Variants in MGST1 observed in about 807,000 individuals in gnomAD.
MGST1 encodes the protein glutathione S-transferase 12.
Under a neutral mutation model 8.9 loss-of-function variants are expected in MGST1, and 5 were observed. That is an observed-to-expected ratio of 0.56 (90% CI 0.29 to 1.19). MGST1 has a LOEUF of 1.19. Among genes scored for constraint, MGST1 ranks in the 50% most tolerant of loss-of-function variants. The pLI is 0.08. For synonymous variants in MGST1, 54 were observed against 67.8 expected (o/e 0.80, Z 1.00); for missense variants, 182 against 187.4 (o/e 0.97, Z 0.17).
chr12:16,524,049 C>T lies in MGST1; in HGVS notation n.483-65479C>T, dbSNP rs552694713. On this transcript the variant is annotated intron_variant and non_coding_transcript_variant, in intron 4 of 4. Coordinates refer to the MGST1 transcript ENST00000538857. ...AATCTGTATACATTTGCTTTGTAAA[C>T]ATTTCAATTCTTTCCTCAGTTCAGA... 3.9e-5 allele frequency among the ~76,000 whole-genome samples: 6 copies of T among 152,174 alleles called. No individual in the cohort carries two copies. The South Asian group carries it at 1.2e-3, about 32-fold the overall frequency.
chr12:16,543,804 T>C (rs1018592648), intron 4 of MGST1, among the ~76,000 whole-genome samples: 27 of 152,080 alleles, frequency 1.8e-4, no homozygotes, highest in Non-Finnish European at 2.9e-5. Context: ...AATGTAAGGG[T>C]GAATTGAGAC....
At chr12:16,535,617 G>A (rs1941752656) in intron 4 of MGST1, among the ~76,000 whole-genome samples, 1 of 152,162 alleles carries the variant, frequency 6.6e-6, no homozygotes, top group Non-Finnish European at 1.5e-5. Context: ...CAATGAATTA[G>A]TAAAGTTGCA....
chr12:16,422,361 T>C (rs779536415), intron 1 of MGST1, among the ~76,000 whole-genome samples: 2 of 152,172 alleles, frequency 1.3e-5, no homozygotes, highest in Non-Finnish European at 2.9e-5. Context: ...AAGTTCCCCT[T>C]ACTACTTTCA....
chr12:16,434,027 C>G (rs928424084), intron 1 of MGST1, among the ~76,000 whole-genome samples: 2 of 152,064 alleles, frequency 1.3e-5, no homozygotes, highest in African/African-American at 4.8e-5. Context: ...TCTATTGTGT[C>G]CATCTCTTTT....
chr12:16,417,897 A>T (rs1652575683), intron 1 of MGST1, among the ~76,000 whole-genome samples: 1 of 152,200 alleles, frequency 6.6e-6, no homozygotes, highest in Admixed American at 6.5e-5. Context: ...AAGTATTTAA[A>T]GTATCAAGGC....
In MGST1 at chr12:16,397,778, CT is replaced by C. The variant is rs55755629; in HGVS notation, n.778+14186del. On this transcript the variant is annotated intron_variant and non_coding_transcript_variant, in intron 1 of 1. Transcript: ENST00000359720. The stretch of plus-strand genomic sequence containing the variant: ...CCCTGAACTTCTTAATCAATAGTAT[CT>C]TTTTTTTTTTTGGTATTGCTGTATA... Among the ~76,000 whole-genome samples the C allele has an allele frequency of 2.5e-3, 356 of 143,196 alleles. 2 individuals are homozygous for C. Among genetic ancestry groups the C allele is most frequent in the African/African-American group, 4.9e-3 (192 of 39,476 alleles). 93.9% of individuals were successfully genotyped at this position (143,196 alleles called of 152,430 possible).
intron 4 of MGST1, among the ~76,000 whole-genome samples, chr12:16,451,699 T>C (rs1461658432): frequency 6.6e-6 from 1 of 151,920 alleles, no homozygotes; most frequent in Non-Finnish European, 1.5e-5. Flanking sequence ...AAAGGTTTTA[T>C]AAGTTCTTAT....
chr12:16,430,850 CT>C (rs1421750241), intron 1 of MGST1, among the ~76,000 whole-genome samples: 1 of 152,178 alleles, frequency 6.6e-6, no homozygotes, highest in Non-Finnish European at 1.5e-5. Context: ...TCCTTTGAAG[CT>C]TTCAAGCCAG....
chr12:16,501,590 G>A (rs1273772020), intron 4 of MGST1, among the ~76,000 whole-genome samples: 1 of 152,132 alleles, frequency 6.6e-6, no homozygotes, highest in African/African-American at 2.4e-5. Context: ...TGACTGCTAC[G>A]TACTCAATTA....
intron 2 of MGST1, 53 bp downstream of exon 2, chr12:16,354,431 G>C: frequency 6.5e-7 from 1 of 1,547,864 alleles, no homozygotes; most frequent in Middle Eastern, 2.1e-4. Flanking sequence ...GAATTCTGGA[G>C]AGCAGTTTTC....
intron 1 of MGST1, among the ~76,000 whole-genome samples, chr12:16,394,496 T>TTCTC (rs139586044): frequency 0.02 from 1,220 of 59,960 alleles, 91 homozygotes; most frequent in East Asian, 0.062. Context: ...CTTTCTTTCT[T>TTCTC]TCTCTCTCTT....
chr12:16,567,100 C>G (rs907995618), intron 4 of MGST1, among the ~76,000 whole-genome samples: 1 of 151,956 alleles, frequency 6.6e-6, no homozygotes, highest in Non-Finnish European at 1.5e-5. Flanking sequence ...GGAGGCTGAG[C>G]CAGGAGAATC....
rs1943410396 is a variant in MGST1, at chr12:16,589,017, G to A, written n.483-511G>A. Among the ~76,000 whole-genome samples, 3 of 152,008 alleles carry A rather than the reference G, an allele frequency of 2.0e-5. No homozygotes were observed. The highest frequency in any genetic ancestry group is 2.9e-5 in the Non-Finnish European group (2 of 67,978). On this transcript the variant is annotated intron_variant and non_coding_transcript_variant, in intron 4 of 4. Coordinates refer to the MGST1 transcript ENST00000538857. The surrounding 1 kb of genome is among the most constrained non-coding windows in gnomAD (Gnocchi z 4.2). ...TTCTAGAGAAGAAAACGCAGACTTG[G>A]AGAGGTTGAGTAAGTTGCCTAGGAA...
rs1056958635 is a variant in MGST1 at position 16,576,026 on chromosome 12, G to A, written n.483-13502G>A. Among the ~76,000 whole-genome samples the A allele has an allele frequency of 2.0e-5, 3 of 152,016 alleles. No individual in the cohort carries two copies. The highest frequency in any genetic ancestry group is 3.9e-4 in the East Asian group (2 of 5,168). ...TCAGACCCCCAAATCTAGCCCTGCC[G>A]CTGTGTTAAAAGGGGATCTGTCCTC... On this transcript the variant is annotated intron_variant and non_coding_transcript_variant, in intron 4 of 4. Coordinates refer to the MGST1 transcript ENST00000538857. The surrounding 1 kb of genome is among the most constrained non-coding windows in gnomAD (Gnocchi z 4.1).
chr12:16,392,705 G>A (rs1940563271), intron 1 of MGST1, among the ~76,000 whole-genome samples: 1 of 151,912 alleles, frequency 6.6e-6, no homozygotes, highest in South Asian at 2.1e-4. Context: ...ATACGGCCAA[G>A]TTATTTTCCT....
chr12:16,414,371 T>C (rs1223876163), intron 1 of MGST1, among the ~76,000 whole-genome samples: 1 of 150,088 alleles, frequency 6.7e-6, no homozygotes, highest in African/African-American at 2.4e-5. Context: ...TTTTTTTTTT[T>C]TTTTTAGGCC....
chr12:16,521,637 T>C (rs1235199791), intron 4 of MGST1, among the ~76,000 whole-genome samples: 2 of 152,198 alleles, frequency 1.3e-5, no homozygotes, highest in African/African-American at 4.8e-5. Flanking sequence ...CTTTTGTGTG[T>C]GTGTGGTTTT....
At chr12:16,574,499 AT>A (rs1482052203) in intron 4 of MGST1, among the ~76,000 whole-genome samples, 1 of 152,180 alleles carries the variant, frequency 6.6e-6, no homozygotes, top group East Asian at 1.9e-4. Flanking sequence ...ATTACTTGGT[AT>A]TTTTTCTTAT....
intron 4 of MGST1, among the ~76,000 whole-genome samples, chr12:16,515,387 C>T (rs1941605462): frequency 6.6e-6 from 1 of 152,154 alleles, no homozygotes; most frequent in South Asian, 2.1e-4. Flanking sequence ...CACAGTGGCT[C>T]ATGACTAATC....
Sources: allele counts gnomAD v4.1 joint callset (sites outside exome capture counted in the v4.1 genomes callset), GRCh38; gene constraint gnomAD v4.1.1; non-coding constraint Gnocchi (gnomAD v3.1); transcripts MANE v1.5; gene names NCBI Gene and HGNC (gene_info 2026-07-23, HGNC 2026-07-21).